ADARB2: variants seen among roughly 807,000 people sequenced by gnomAD.
ADARB2 encodes inactive double-stranded RNA-specific editase B2.
A neutral mutation model predicts 62.2 loss-of-function variants in ADARB2; 25 were observed. The observed-to-expected ratio is 0.40, with a 90% CI of 0.29 to 0.56. The LOEUF (loss-of-function observed/expected upper bound fraction) is 0.56. ADARB2 is among the 20% of genes least tolerant of loss of function. ADARB2 has a pLI of 0.43. For synonymous variants in ADARB2, 572 were observed against 500.8 expected, an observed-to-expected ratio of 1.14 and a Z score of -1.90; for missense variants, 1,071 against 1,077.4, an observed-to-expected ratio of 0.99 and a Z score of 0.08.
chr10:1,421,448 G>A (rs116404775), intron 1 of ADARB2, among the ~76,000 whole-genome samples: 49 of 152,156 alleles, frequency 3.2e-4, no homozygotes, highest in African/African-American at 1.2e-3. Context: ...GCAGTGGGAG[G>A]TTGGGGGTCA....
intron 1 of ADARB2, among the ~76,000 whole-genome samples, chr10:1,552,139 T>C (rs7070465): frequency 0.34 from 51,543 of 152,192 alleles, 9,285 homozygotes; most frequent in Non-Finnish European, 0.39. Context: ...AGGCTGCTCC[T>C]GGCCACTCCC....
At position 1,182,937 on chromosome 10, in the gene ADARB2, C is replaced by G; in HGVS notation, c.*256G>C. On this transcript the variant is annotated 3_prime_UTR_variant, in exon 10 of 10. Coordinates refer to ENST00000381312, the MANE Select transcript of ADARB2 (RefSeq NM_018702.4). Reference sequence around the variant, plus strand: ...CTGAATGGAGCCCCTCCCTCAGACTCCACAGGAAGAGTCGGCGCTAACTCA... The same window carrying G: ...CTGAATGGAGCCCCTCCCTCAGACTGCACAGGAAGAGTCGGCGCTAACTCA... 1 of 468,270 alleles carries G rather than the reference C, an allele frequency of 2.1e-6. No homozygotes were observed. The highest frequency in any genetic ancestry group is 2.7e-5 in the South Asian group (1 of 36,490). The allele number at this position is 468,270 out of a possible 1,614,324, so 29.0% of individuals were successfully genotyped here.
intron 1 of ADARB2, among the ~76,000 whole-genome samples, chr10:1,632,959 G>A (rs1833861337): frequency 1.3e-5 from 2 of 152,170 alleles, no homozygotes; most frequent in Non-Finnish European, 2.9e-5. Context: ...GTCCATGTGG[G>A]TGGGTGCATC....
Position 1,514,178 on chromosome 10 carries a change from A to AATACATATATATATATATAT in ADARB2, c.101-135019_101-135018insATATATATATATATATGTAT, listed in dbSNP as rs1554767853. Among the ~76,000 whole-genome samples the AATACATATATATATATATAT allele has an allele frequency of 4.2e-5, 4 of 94,158 alleles. No individual in the cohort carries two copies. The East Asian group carries it at 1.6e-3, about 39-fold the overall frequency. The allele number at this position is 94,158 out of a possible 152,430, so 61.8% of individuals were successfully genotyped here. A position where few individuals can be genotyped will look rare whatever the true frequency, so the allele number is the denominator to read the frequency against. The stretch of plus-strand genomic sequence containing the variant: ...GTGACAGTGTGAGACGCTGTCTCAA[A>AATACATATATATATATATAT]ATATATATATATATATATGTATATT... On this transcript the variant is annotated intron_variant, in intron 1 of 9. Coordinates refer to ENST00000381312, the MANE Select transcript of ADARB2 (RefSeq NM_018702.4).
intron 1 of ADARB2, among the ~76,000 whole-genome samples, chr10:1,643,845 C>T (rs1834005208): frequency 6.6e-6 from 1 of 152,100 alleles, no homozygotes; most frequent in Admixed American, 6.5e-5. Context: ...TGATTGGAGC[C>T]TGCGGAGTGA....
intron 3 of ADARB2, among the ~76,000 whole-genome samples, chr10:1,359,781 G>A (rs916037900): frequency 6.6e-6 from 1 of 152,228 alleles, no homozygotes; most frequent in Non-Finnish European, 1.5e-5. Flanking sequence ...CAGCCGCAGT[G>A]GCTCTCAACA....
At chr10:1,385,720 A>T (rs764588308) in intron 1 of ADARB2, among the ~76,000 whole-genome samples, 3 of 152,178 alleles carry the variant, frequency 2.0e-5, no homozygotes, top group African/African-American at 4.8e-5. Context: ...GGTAGAAAAT[A>T]TACTTTAAAT....
At chr10:1,470,085 C>CCTGACCCTCTCCCAGGGTCATCTGAT (rs1831301809) in intron 1 of ADARB2, among the ~76,000 whole-genome samples, 1 of 111,194 alleles carries the variant, frequency 9.0e-6, no homozygotes, top group Non-Finnish European at 2.2e-5. Context: ...GGTCATCCAG[C>CCTGACCCTCTCCCAGGGTCATCTGAT]CTGACCCTCT....
At chr10:1,232,834 ATG>A (rs953181976) in intron 6 of ADARB2, among the ~76,000 whole-genome samples, 5 of 140,006 alleles carry the variant, frequency 3.6e-5, no homozygotes, top group South Asian at 2.3e-4. Context: ...TATATGTGGT[ATG>A]TGTGTGGTAT....
chr10:1,630,569 G>A lies in ADARB2; in HGVS notation c.100+106482C>T, dbSNP rs1270199383. Among the ~76,000 whole-genome samples the A allele has an allele frequency of 4.6e-5, 7 of 152,138 alleles. No individual in the cohort carries two copies. The East Asian group carries it at 1.2e-3, about 25-fold the overall frequency. On this transcript the variant is annotated intron_variant, in intron 1 of 9. Transcript: ENST00000381312. ...CAGTGACTCTGGGCAGGGCAGAGGG[G>A]GTGTGTGCTGGATCCAGAGGCTGAA...
intron 1 of ADARB2, among the ~76,000 whole-genome samples, chr10:1,665,791 G>A (rs1588344561): frequency 6.6e-6 from 1 of 152,242 alleles, no homozygotes; most frequent in Non-Finnish European, 1.5e-5. Context: ...GGGGCCTTGT[G>A]TCCCCCAGAG....
chr10:1,448,184 G>A (rs1425546059), intron 1 of ADARB2, among the ~76,000 whole-genome samples: 1 of 152,216 alleles, frequency 6.6e-6, no homozygotes, highest in African/African-American at 2.4e-5. Context: ...AAACAAACAT[G>A]TTAGTGGTGT....
chr10:1,695,242 T>C (rs902523536), intron 1 of ADARB2, among the ~76,000 whole-genome samples: 3 of 152,188 alleles, frequency 2.0e-5, no homozygotes, highest in African/African-American at 7.2e-5. Context: ...CTCTTCTTCC[T>C]GGCAAGAATG....
intron 6 of ADARB2, among the ~76,000 whole-genome samples, chr10:1,228,005 TATC>T (rs1830763960): frequency 6.6e-6 from 1 of 152,240 alleles, no homozygotes. Flanking sequence ...GCACGGATAT[TATC>T]ATATTTTGCA....
At chr10:1,488,127 T>C (rs967289800) in intron 1 of ADARB2, among the ~76,000 whole-genome samples, 3 of 152,088 alleles carry the variant, frequency 2.0e-5, no homozygotes, top group Non-Finnish European at 4.4e-5. Flanking sequence ...AAAATCTCTC[T>C]TAAGCATCTG....
At chr10:1,388,170 A>T (rs140279215) in intron 1 of ADARB2, among the ~76,000 whole-genome samples, 50 of 152,278 alleles carry the variant, frequency 3.3e-4, no homozygotes, top group African/African-American at 1.1e-3. Context: ...TAATTTATCT[A>T]TAGATACAAA....
At chr10:1,532,369 C>A (rs1564319751) in intron 1 of ADARB2, among the ~76,000 whole-genome samples, 1 of 152,218 alleles carries the variant, frequency 6.6e-6, no homozygotes, top group Non-Finnish European at 1.5e-5. Flanking sequence ...TGGGAACCAA[C>A]TTTCCCCCGT....
intron 1 of ADARB2, among the ~76,000 whole-genome samples, chr10:1,643,769 G>A (rs1176024934): frequency 2.0e-5 from 3 of 152,108 alleles, no homozygotes; most frequent in African/African-American, 7.2e-5. Context: ...CTGTACAGAG[G>A]CATTGGGGCT....
chr10:1,621,397 CTTCTTT>C (rs1284939917), intron 1 of ADARB2, among the ~76,000 whole-genome samples: 6 of 151,354 alleles, frequency 4.0e-5, no homozygotes, highest in South Asian at 2.1e-4. Flanking sequence ...GGAATAGTTT[CTTCTTT>C]TTCTTTTTCT....
Sources: gnomAD v4.1 joint callset for allele counts (sites outside exome capture counted in the v4.1 genomes callset) on GRCh38, gnomAD v4.1.1 for gene constraint, MANE v1.5 for transcripts, NCBI Gene and HGNC (gene_info 2026-07-23, HGNC 2026-07-21) for gene names.